The following SMARCAL1 variants were observed in gnomAD, a reference collection of about 807,000 sequenced individuals.
The protein encoded by SMARCAL1 is SNF2 related chromatin remodeling annealing helicase 1.
SMARCAL1 carries 58 observed loss-of-function variants against 94.5 expected under a neutral mutation model. The ratio of observed to expected loss-of-function variants is 0.61; its 90% CI spans 0.50 to 0.76. The LOEUF (loss-of-function observed/expected upper bound fraction) is 0.76. Ranked by LOEUF, SMARCAL1 falls within the 30% of genes least tolerant of loss-of-function variation. SMARCAL1 has a pLI of 0.00. For synonymous variants in SMARCAL1, 422 were observed against 455.1 expected (o/e 0.93, Z 0.93); for missense variants, 1,051 against 1,177.9 (o/e 0.89, Z 1.58).
At position 216,482,637 on chromosome 2, in the gene SMARCAL1, G is replaced by T. The variant is rs764908780; in HGVS notation, c.2626-101G>T. 35 of 1,514,590 alleles carry T rather than the reference G, an allele frequency of 2.3e-5. 1 individual carries two copies. Among genetic ancestry groups the T allele is most frequent in the Non-Finnish European group, 3.2e-5 (35 of 1,091,824 alleles). 93.8% of individuals were successfully genotyped at this position (1,514,590 alleles called of 1,614,324 possible). A position where few individuals can be genotyped will look rare whatever the true frequency, so the allele number is the denominator to read the frequency against. On this transcript the variant is annotated intron_variant, in intron 17 of 17. Transcript: ENST00000357276. The surrounding 1 kb of genome is among the most constrained non-coding windows in gnomAD (Gnocchi z 4.3). Reference sequence around the variant, plus strand: ...AGCTCCCTGACACCATGAAATGTGTGGTCTCTCATCTTTATATTCTCTCAT... The same window carrying T: ...AGCTCCCTGACACCATGAAATGTGTTGTCTCTCATCTTTATATTCTCTCAT...
intron 7 of SMARCAL1, among the ~76,000 whole-genome samples, chr2:216,432,372 C>T (rs1463575588): frequency 6.6e-6 from 1 of 152,230 alleles, no homozygotes; most frequent in Admixed American, 6.5e-5. Context: ...CCACCACCCT[C>T]CTCCATGTAC....
At chr2:216,461,815 C>T in intron 12 of SMARCAL1, among the ~76,000 whole-genome samples, 1 of 149,040 alleles carries the variant, frequency 6.7e-6, no homozygotes. Flanking sequence ...GTGTGACAGA[C>T]AGAGACCTTG....
chr2:216,438,302 A>G, intron 9 of SMARCAL1, 118 bp from the exon 10 acceptor site: 1 of 839,316 alleles, frequency 1.2e-6, no homozygotes, highest in Non-Finnish European at 2.0e-6. Flanking sequence ...CTTGAATGAG[A>G]AAGTGCTAAG....
rs371098968 is a variant in SMARCAL1, at chr2:216,415,366, G to T, written c.662G>T (p.Arg221Ile). The stretch of plus-strand genomic sequence containing the variant: ...AGTGTAACGCCCAGGACAGAAGGAA[G>T]ACTCCAGCAGAAGTCAGGGTCCTCA... ...SESVTPRTEGRLQQKSGSSVQ... is the reference protein window; with the variant it reads ...SESVTPRTEGILQQKSGSSVQ... Residue 221 changes from arginine (R) to isoleucine (I), a missense_variant, in exon 3 of 18, where the codon AGA becomes ATA. Physicochemically the swap from Arg to Ile is moderately conservative, Grantham distance 97. Around this residue, in one of 3 missense-constraint regions of SMARCAL1, gnomAD observed 398 missense variants for 395.2 expected, o/e 1.01. Transcript: ENST00000357276. 10 of 1,614,244 alleles carry T rather than the reference G, an allele frequency of 6.2e-6. No homozygotes were observed. The East Asian group carries it at 1.6e-4, about 25-fold the overall frequency.
chr2:216,423,253 G>A (rs1445099661), intron 5 of SMARCAL1, among the ~76,000 whole-genome samples: 1 of 152,172 alleles, frequency 6.6e-6, no homozygotes, highest in African/African-American at 2.4e-5. Context: ...CAGATGAGAG[G>A]GTGCCACTGA....
In SMARCAL1 at chr2:216,477,132, C is replaced by T. The variant is rs776731591; in HGVS notation, c.2451C>T (p.Arg817=). Residue 817 remains arginine (R), a synonymous_variant, in exon 16 of 18, where the codon CGC becomes CGT. Transcript: ENST00000357276. ...NPGVLIQAED[R]VHRIGQTSSV... ...AGGTGCTGATCCAGGCTGAGGACCG[C>T]GTGCACCGCATTGGACAGACCAGCT... The T allele has an allele frequency of 1.4e-5, 22 of 1,587,512 alleles. No homozygotes were observed. The highest frequency in any genetic ancestry group is 6.9e-5 in the South Asian group (6 of 86,800).
chr2:216,432,843 C>A lies in SMARCAL1; in HGVS notation c.1460C>A (p.Ser487Tyr). 2 of 1,614,226 alleles carry A rather than the reference C, an allele frequency of 1.2e-6. No individual in the cohort carries two copies. Among genetic ancestry groups the A allele is most frequent in the Non-Finnish European group, 1.7e-6 (2 of 1,180,046 alleles). ...TGGCCGCTCCTGGTGGTGGTGCCATCCTCCGTGCGCTTCACCTGGGAGCAG... is the reference window on the plus strand; with the variant it reads ...TGGCCGCTCCTGGTGGTGGTGCCATACTCCGTGCGCTTCACCTGGGAGCAG... ...KEWPLLVVVP[S>Y]SVRFTWEQAF... is the part of the protein sequence containing the mutation. The change falls in exon 8 of 18, where the codon TCC becomes TAC. Residue 487 changes from serine to tyrosine, a missense_variant. By Grantham distance (144) the Ser-to-Tyr change is moderately radical (BLOSUM62 -2). This residue lies in a region of SMARCAL1 where 642 missense variants were observed against 754.7 expected (regional missense o/e 0.85). Coordinates refer to ENST00000357276, the MANE Select transcript of SMARCAL1 (RefSeq NM_014140.4).
chr2:216,425,063 CCTTTTGG>C (rs1693802270), intron 6 of SMARCAL1, among the ~76,000 whole-genome samples: 1 of 152,198 alleles, frequency 6.6e-6, no homozygotes, highest in Non-Finnish European at 1.5e-5. Flanking sequence ...TACACAGAAT[CCTTTTGG>C]TGCCACTTTG....
Position 216,482,661 on chromosome 2 carries a change from A to G in SMARCAL1, c.2626-77A>G. On this transcript the variant is annotated intron_variant, in intron 17 of 17. Coordinates refer to ENST00000357276, the MANE Select transcript of SMARCAL1 (RefSeq NM_014140.4). The surrounding 1 kb of genome is among the most constrained non-coding windows in gnomAD (Gnocchi z 4.3). ...TGGTCTCTCATCTTTATATTCTCTC[A>G]TCAGCCCTAGTGGAGGAGAGTCAGT... The G allele has an allele frequency of 1.3e-6, 2 of 1,584,802 alleles. No individual in the cohort carries two copies. Among genetic ancestry groups the G allele is most frequent in the South Asian group, 1.1e-5 (1 of 89,956 alleles).
chr2:216,447,832 C>T (rs1694353600), intron 11 of SMARCAL1, among the ~76,000 whole-genome samples: 1 of 152,168 alleles, frequency 6.6e-6, no homozygotes, highest in African/African-American at 2.4e-5. Context: ...CCTGTAAACA[C>T]CAATGCATTG....
intron 13 of SMARCAL1, 109 bp downstream of exon 13, chr2:216,464,776 C>A: frequency 1.2e-6 from 1 of 821,304 alleles, no homozygotes; most frequent in Non-Finnish European, 2.1e-6. Context: ...AAGAAATGAC[C>A]AGAGATTATT....
In SMARCAL1 at chr2:216,483,016, C is replaced by T; in HGVS notation, c.*39C>T. ...AAAAAAATAAAAAGCATTTTAAAAT[C>T]ATGGAATTGAAATAAAATAATGTAT... On this transcript the variant is annotated 3_prime_UTR_variant, in exon 18 of 18. Transcript: ENST00000357276. 1 of 1,606,644 alleles carries T rather than the reference C, an allele frequency of 6.2e-7. No homozygotes were observed. The highest frequency in any genetic ancestry group is 8.5e-7 in the Non-Finnish European group (1 of 1,176,630).
intron 8 of SMARCAL1, among the ~76,000 whole-genome samples, chr2:216,435,085 C>T (rs1026308210): frequency 6.6e-6 from 1 of 151,864 alleles, no homozygotes; most frequent in Non-Finnish European, 1.5e-5. Flanking sequence ...CTCAAACTCC[C>T]GATCTCAGGT....
chr2:216,481,975 C>T (rs1387288887), intron 17 of SMARCAL1, among the ~76,000 whole-genome samples: 1 of 152,110 alleles, frequency 6.6e-6, no homozygotes, highest in East Asian at 1.9e-4. Context: ...ATCCACTGGG[C>T]ATGGTTTTAA....
Position 216,467,924 on chromosome 2 carries a change from G to A in SMARCAL1, c.2142-20G>A, listed in dbSNP as rs754291584. On this transcript the variant is annotated intron_variant, in intron 13 of 17. Coordinates refer to ENST00000357276, the MANE Select transcript of SMARCAL1 (RefSeq NM_014140.4). ...AAGGAGTATATGTTTAATCTGTTTT[G>A]TTGTCATTGTCAAATGCAGTGAATA... 1.4e-6 allele frequency: 2 copies of A among 1,432,094 alleles called. No individual in the cohort carries two copies. Among genetic ancestry groups the A allele is most frequent in the Admixed American group, 1.7e-5 (1 of 59,794 alleles). The allele number at this position is 1,432,094 out of a possible 1,614,324, so 88.7% of individuals were successfully genotyped here. A position where few individuals can be genotyped will look rare whatever the true frequency, so the allele number is the denominator to read the frequency against.
chr2:216,413,084 C>A (rs577975385), intron 1 of SMARCAL1: 18 of 150,998 alleles, frequency 1.2e-4, no homozygotes, highest in African/African-American at 4.4e-4. Context: ...AACCTCTTCA[C>A]CCCTTCCTAA....
intron 10 of SMARCAL1, among the ~76,000 whole-genome samples, chr2:216,445,434 G>A (rs1694289084): frequency 6.6e-6 from 1 of 152,140 alleles, no homozygotes; most frequent in Non-Finnish European, 1.5e-5. Flanking sequence ...TATGGGAGAA[G>A]CGATTTAATA....
intron 3 of SMARCAL1, 88 bp downstream of exon 3, chr2:216,415,603 A>T: frequency 1.6e-6 from 2 of 1,229,036 alleles, no homozygotes; most frequent in Non-Finnish European, 2.3e-6. Context: ...AAATATTAAG[A>T]GAGTGCATTG....
At chr2:216,429,299 A>C (rs1437946145) in intron 7 of SMARCAL1, among the ~76,000 whole-genome samples, 1 of 152,150 alleles carries the variant, frequency 6.6e-6, no homozygotes, top group African/African-American at 2.4e-5. Flanking sequence ...GTGGCCTTGG[A>C]GGCTTGAGGT....
Sources: allele counts gnomAD v4.1 joint callset (sites outside exome capture counted in the v4.1 genomes callset), GRCh38; gene constraint gnomAD v4.1.1; regional missense constraint gnomAD v4.1.1; non-coding constraint Gnocchi (gnomAD v3.1); transcripts MANE v1.5; gene names NCBI Gene and HGNC (gene_info 2026-07-23, HGNC 2026-07-21).